EPC2: variants seen among roughly 807,000 people sequenced by gnomAD.
EPC2 encodes enhancer of polycomb homolog 2.
A neutral mutation model predicts 92.1 loss-of-function variants in EPC2; 14 were observed. The observed-to-expected ratio is 0.15, with a 90% CI of 0.10 to 0.24. EPC2 has a LOEUF of 0.24. Ranked by LOEUF, EPC2 falls within the 10% of genes least tolerant of loss-of-function variation. The pLI is 1.00. For missense variants in EPC2, 755 were observed against 971.5 expected (o/e 0.78, Z 2.96); for synonymous variants, 340 against 334.7 (o/e 1.02, Z -0.17).
rs1255254062 is a variant in EPC2 at position 148,644,818 on chromosome 2, G to A, written c.-200G>A. The stretch of plus-strand genomic sequence containing the variant: ...GGCGGGCGAGCGGCGGATCTAGTGT[G>A]TGGAGGCGGCCGCGGGCGCGGGGGG... On this transcript the variant is annotated 5_prime_UTR_variant, in exon 1 of 14. The change creates a new upstream start codon in the 5' untranslated region. Transcript: ENST00000258484. Among the ~76,000 whole-genome samples the A allele has an allele frequency of 7.7e-6, 1 of 129,864 alleles. No individual in the cohort carries two copies. Among genetic ancestry groups the A allele is most frequent in the Non-Finnish European group, 1.7e-5 (1 of 60,468 alleles). 85.2% of individuals were successfully genotyped at this position (129,864 alleles called of 152,430 possible).
chr2:148,733,748 C>T (rs892158893), intron 2 of EPC2, among the ~76,000 whole-genome samples: 4 of 151,928 alleles, frequency 2.6e-5, no homozygotes, highest in African/African-American at 9.7e-5. Context: ...CCATAACCTC[C>T]CAAAGTCCTG....
At chr2:148,760,849 A>G (rs904801578) in intron 4 of EPC2, among the ~76,000 whole-genome samples, 4 of 152,114 alleles carry the variant, frequency 2.6e-5, no homozygotes, top group African/African-American at 9.7e-5. Context: ...CCAATATGAA[A>G]CCTTTGGTAT....
At chr2:148,666,842 A>G (rs752698123) in intron 1 of EPC2, among the ~76,000 whole-genome samples, 44 of 150,314 alleles carry the variant, frequency 2.9e-4, no homozygotes, top group Admixed American at 9.4e-4. Context: ...GCTGAAGCAC[A>G]TGAAACTTTA....
intron 1 of EPC2, among the ~76,000 whole-genome samples, chr2:148,657,992 G>A (rs1680841866): frequency 6.6e-6 from 1 of 151,890 alleles, no homozygotes; most frequent in African/African-American, 2.4e-5. Flanking sequence ...AGATAGTTAT[G>A]TTCTGTTATG....
At chr2:148,758,643 G>A (rs1272688620) in intron 4 of EPC2, among the ~76,000 whole-genome samples, 7 of 152,218 alleles carry the variant, frequency 4.6e-5, no homozygotes, top group Admixed American at 2.6e-4. Context: ...TGATCTGCCC[G>A]CCTCGGCCTT....
intron 1 of EPC2, among the ~76,000 whole-genome samples, chr2:148,656,656 T>C (rs1412036635): frequency 1.3e-5 from 2 of 152,224 alleles, no homozygotes; most frequent in African/African-American, 4.8e-5. Context: ...GTATACTCCA[T>C]CATTTGGTAT....
chr2:148,743,818 A>G lies in EPC2; in HGVS notation c.459+51A>G, dbSNP rs1574617896. 4 of 1,404,400 alleles carry G rather than the reference A, an allele frequency of 2.8e-6. No homozygotes were observed. In the Admixed American group the frequency reaches 8.2e-5, roughly 29 times the overall value. The allele number at this position is 1,404,400 out of a possible 1,614,324, so 87.0% of individuals were successfully genotyped here. On this transcript the variant is annotated intron_variant, in intron 3 of 13. Coordinates refer to ENST00000258484, the MANE Select transcript of EPC2 (RefSeq NM_015630.4). ...TTATCTTCTAGTTAACCCAATTTGC[A>G]CCTTTATAAGACCTGAGTGTGTTGC...
intron 2 of EPC2, among the ~76,000 whole-genome samples, chr2:148,739,246 T>C (rs1305925923): frequency 6.6e-6 from 1 of 152,214 alleles, no homozygotes; most frequent in Non-Finnish European, 1.5e-5. Flanking sequence ...AGCAATCATA[T>C]TCATATTCAT....
At chr2:148,672,847 G>A (rs754519280) in intron 1 of EPC2, among the ~76,000 whole-genome samples, 13 of 152,112 alleles carry the variant, frequency 8.5e-5, no homozygotes, top group Non-Finnish European at 1.6e-4. Context: ...TCAACTTGAA[G>A]GACTCCCTTT....
chr2:148,771,887 C>T (rs1683528997), intron 10 of EPC2, among the ~76,000 whole-genome samples: 1 of 151,930 alleles, frequency 6.6e-6, no homozygotes, highest in Non-Finnish European at 1.5e-5. Context: ...CAACCTCTGC[C>T]TCCCGGGTTC....
chr2:148,663,412 G>T, intron 1 of EPC2, among the ~76,000 whole-genome samples: 1 of 150,856 alleles, frequency 6.6e-6, no homozygotes, highest in East Asian at 1.9e-4. Context: ...TAGAGACAGG[G>T]TTTCACCATG....
chr2:148,775,650 T>TGTAAATAAAA (rs1683618283), intron 10 of EPC2, among the ~76,000 whole-genome samples: 2 of 42,786 alleles, frequency 4.7e-5, no homozygotes, highest in Admixed American at 1.5e-4. Context: ...AAATAAAATC[T>TGTAAATAAAA]TTAAATAAAA....
At chr2:148,764,396 A>G (rs1209498096) in intron 6 of EPC2, among the ~76,000 whole-genome samples, 1 of 152,222 alleles carries the variant, frequency 6.6e-6, no homozygotes, top group Non-Finnish European at 1.5e-5. Context: ...ATGGCCTCTC[A>G]GGAACCTCCA....
intron 1 of EPC2, among the ~76,000 whole-genome samples, chr2:148,682,578 A>G (rs1681421141): frequency 6.6e-6 from 1 of 151,982 alleles, no homozygotes; most frequent in African/African-American, 2.4e-5. Flanking sequence ...TTTTGGGAGG[A>G]AAGTTGCAGA....
At chr2:148,651,583 A>G (rs757556787) in intron 1 of EPC2, among the ~76,000 whole-genome samples, 2 of 152,186 alleles carry the variant, frequency 1.3e-5, no homozygotes, top group Non-Finnish European at 2.9e-5. Context: ...TAGATGAAAG[A>G]CCACTGAAGT....
intron 1 of EPC2, among the ~76,000 whole-genome samples, chr2:148,667,629 A>G (rs116178490): frequency 2.2e-3 from 332 of 151,540 alleles, no homozygotes; most frequent in Non-Finnish European, 3.5e-3. Flanking sequence ...CGTTTTTTTG[A>G]CTCCCCACTG....
In EPC2 at chr2:148,786,674, T is replaced by C. The variant is rs1574644007; in HGVS notation, c.*297T>C. 1 of 225,734 alleles carries C rather than the reference T, an allele frequency of 4.4e-6. No homozygotes were observed. The highest frequency in any genetic ancestry group is 1.0e-4 in the East Asian group (1 of 9,844). The allele number at this position is 225,734 out of a possible 1,614,324, so 14.0% of individuals were successfully genotyped here. A position where few individuals can be genotyped will look rare whatever the true frequency, so the allele number is the denominator to read the frequency against. On this transcript the variant is annotated 3_prime_UTR_variant, in exon 14 of 14. Transcript: ENST00000258484. ...GAATGGATTTTAAAAAATAATTCTT[T>C]AATGGGATCATGAGCATGAAATGGG...
chr2:148,715,575 T>C (rs1682243246), intron 2 of EPC2, among the ~76,000 whole-genome samples: 1 of 152,192 alleles, frequency 6.6e-6, no homozygotes, highest in Non-Finnish European at 1.5e-5. Flanking sequence ...TCTGTTCCAT[T>C]CGTCTGTGTG....
At chr2:148,691,379 T>G (rs1420774982) in intron 2 of EPC2, among the ~76,000 whole-genome samples, 2 of 152,232 alleles carry the variant, frequency 1.3e-5, no homozygotes, top group Non-Finnish European at 2.9e-5. Flanking sequence ...AGTATCCACC[T>G]GTCTGACAAC....
Sources: gnomAD v4.1 joint callset for allele counts (sites outside exome capture counted in the v4.1 genomes callset) on GRCh38, gnomAD v4.1.1 for gene constraint, MANE v1.5 for transcripts, NCBI Gene and HGNC (gene_info 2026-07-23, HGNC 2026-07-21) for gene names.